SV2C: variants seen among roughly 807,000 people sequenced by gnomAD.
SV2C encodes the protein synaptic vesicle glycoprotein 2C, also known as solute carrier family 22 member B3.
Under a neutral mutation model 79.7 loss-of-function variants are expected in SV2C, and 49 were observed. That is an observed-to-expected ratio of 0.61 (90% CI 0.49 to 0.78). The LOEUF (loss-of-function observed/expected upper bound fraction) is 0.78, where lower values mean the gene tolerates loss of function less well. SV2C is among the 30% of genes least tolerant of loss of function. The pLI is 0.00. For synonymous variants in SV2C, 334 were observed against 333.2 expected (o/e 1.00, Z -0.03); for missense variants, 833 against 912.9 (o/e 0.91, Z 1.13).
intron 3 of SV2C, among the ~76,000 whole-genome samples, chr5:76,202,015 C>CAAAAAAAAAAAAA (rs373279209): frequency 2.4e-5 from 2 of 82,152 alleles, no homozygotes; most frequent in East Asian, 3.6e-4. Context: ...GACTCCATCT[C>CAAAAAAAAAAAAA]AAAAAAAAAA....
the SV2C span, among the ~76,000 whole-genome samples, chr5:75,929,198 T>C: frequency 6.6e-6 from 1 of 151,910 alleles, no homozygotes; most frequent in Admixed American, 6.6e-5. Flanking sequence ...CAGGGTTGAC[T>C]GTCACTCTGT....
At chr5:75,949,234 A>T in the SV2C span, among the ~76,000 whole-genome samples, 1 of 152,030 alleles carries the variant, frequency 6.6e-6, no homozygotes, top group Non-Finnish European at 1.5e-5. Flanking sequence ...TGTACAGCTT[A>T]TAGAACTGTG....
the SV2C span, among the ~76,000 whole-genome samples, chr5:76,036,643 G>T: frequency 6.6e-6 from 1 of 152,112 alleles, no homozygotes; most frequent in Non-Finnish European, 1.5e-5. Context: ...TCCCTTTGAG[G>T]GTAACCCAAC....
intron 3 of SV2C, among the ~76,000 whole-genome samples, chr5:76,200,949 T>G (rs1744423178): frequency 6.6e-6 from 1 of 152,238 alleles, no homozygotes; most frequent in Non-Finnish European, 1.5e-5. Flanking sequence ...GGCCAAGCTC[T>G]TGTTTTAAAC....
intron 1 of SV2C, among the ~76,000 whole-genome samples, chr5:76,105,432 T>A (rs2112127306): frequency 6.6e-6 from 1 of 152,280 alleles, no homozygotes; most frequent in East Asian, 1.9e-4. Flanking sequence ...CACCCTTTTT[T>A]AAACAAAGGA....
At chr5:75,926,073 C>T in the SV2C span, among the ~76,000 whole-genome samples, 2 of 152,088 alleles carry the variant, frequency 1.3e-5, no homozygotes, top group East Asian at 3.9e-4. Context: ...CACTTAACTG[C>T]GGTTGATAGA....
the SV2C span, among the ~76,000 whole-genome samples, chr5:75,902,472 G>A: frequency 6.6e-6 from 1 of 152,146 alleles, no homozygotes; most frequent in Admixed American, 6.5e-5. Flanking sequence ...TTCACCTCTA[G>A]GTTTCTGTGC....
At chr5:76,162,974 TATC>T (rs1742938553) in intron 2 of SV2C, among the ~76,000 whole-genome samples, 2 of 152,206 alleles carry the variant, frequency 1.3e-5, no homozygotes, top group Admixed American at 1.3e-4. Flanking sequence ...AAGCCCTTTA[TATC>T]ATGGAGCACA....
the SV2C span, among the ~76,000 whole-genome samples, chr5:75,847,812 A>T: frequency 1.3e-5 from 2 of 152,268 alleles, no homozygotes; most frequent in East Asian, 3.9e-4. Flanking sequence ...GAAAAAAGGA[A>T]ATGAGAAGTA....
chr5:76,092,887 C>T (rs191692422), intron 1 of SV2C, among the ~76,000 whole-genome samples: 157 of 152,154 alleles, frequency 1.0e-3, no homozygotes, highest in Middle Eastern at 0.01. Context: ...CTCCTAGGCC[C>T]CTTGCAGCTC....
At chr5:76,157,874 G>A (rs1742780543) in intron 2 of SV2C, among the ~76,000 whole-genome samples, 1 of 151,644 alleles carries the variant, frequency 6.6e-6, no homozygotes, top group South Asian at 2.1e-4. Context: ...CATTTTAAAT[G>A]TAATAGTATA....
intron 4 of SV2C, among the ~76,000 whole-genome samples, chr5:76,283,778 A>T (rs1199240661): frequency 6.6e-6 from 1 of 152,218 alleles, no homozygotes; most frequent in African/African-American, 2.4e-5. Flanking sequence ...TTGTCAACAA[A>T]TTCAGCATTT....
At chr5:76,310,030 G>C (rs1748372262) in intron 12 of SV2C, among the ~76,000 whole-genome samples, 1 of 151,202 alleles carries the variant, frequency 6.6e-6, no homozygotes, top group South Asian at 2.1e-4. Flanking sequence ...GGGATAGAGA[G>C]GTCATTCACT....
At chr5:76,118,947 T>C (rs1580279858) in intron 1 of SV2C, among the ~76,000 whole-genome samples, 2 of 152,162 alleles carry the variant, frequency 1.3e-5, no homozygotes, top group African/African-American at 4.8e-5. Flanking sequence ...CGTGCCACTG[T>C]ACTCCAGCCT....
intron 4 of SV2C, among the ~76,000 whole-genome samples, chr5:76,261,692 T>C (rs1270821151): frequency 2.0e-5 from 3 of 152,212 alleles, no homozygotes; most frequent in Non-Finnish European, 2.9e-5. Flanking sequence ...CTGCAACTAT[T>C]GAGATAATCA....
intron 1 of SV2C, among the ~76,000 whole-genome samples, chr5:76,127,456 C>T (rs1225398123): frequency 2.0e-5 from 3 of 152,218 alleles, no homozygotes; most frequent in African/African-American, 7.2e-5. Context: ...AGATTCACTT[C>T]GCTGTGAACG....
the SV2C span, among the ~76,000 whole-genome samples, chr5:75,849,070 G>A: frequency 7.9e-5 from 12 of 151,882 alleles, no homozygotes; most frequent in Admixed American, 2.0e-4. Flanking sequence ...CTATCTCCCC[G>A]TATGCATGAA....
At chr5:75,909,899 G>A in the SV2C span, among the ~76,000 whole-genome samples, 1 of 152,170 alleles carries the variant, frequency 6.6e-6, no homozygotes, top group African/African-American at 2.4e-5. Flanking sequence ...ATACCAAGAT[G>A]TCAGGATGAT....
At chr5:76,221,532 C>G (rs939178911) in intron 4 of SV2C, among the ~76,000 whole-genome samples, 1 of 152,160 alleles carries the variant, frequency 6.6e-6, no homozygotes, top group African/African-American at 2.4e-5. Flanking sequence ...ACAAGTCACC[C>G]CAGTGCCCTC....
Sources: gnomAD v4.1 joint callset for allele counts (sites outside exome capture counted in the v4.1 genomes callset) on GRCh38, gnomAD v4.1.1 for gene constraint, MANE v1.5 for transcripts, NCBI Gene and HGNC (gene_info 2026-07-23, HGNC 2026-07-21) for gene names.